Variants in SGCD observed in about 807,000 individuals in gnomAD.
The protein encoded by SGCD is delta-sarcoglycan.
SGCD carries 18 observed loss-of-function variants against 36.6 expected under a neutral mutation model. That is an observed-to-expected ratio of 0.49 (90% CI 0.34 to 0.73). The LOEUF (loss-of-function observed/expected upper bound fraction) is 0.73. SGCD is among the 30% of genes least tolerant of loss of function. SGCD has a pLI of 0.01. For synonymous variants in SGCD, 133 were observed against 130.6 expected (o/e 1.02, Z -0.12); for missense variants, 387 against 346.7 (o/e 1.12, Z -0.92).
Position 156,109,695 on chromosome 5 carries a change from C to G in SGCD, c.-281-8183C>G, listed in dbSNP as rs147862370. On this transcript the variant is annotated intron_variant, in intron 1 of 9. Coordinates refer to the SGCD transcript ENST00000517913. ...TTCCCCTCTTATGCTTTCATCTAAC[C>G]AAACCCCCTTCAGCCTCCATCTCAT... is the stretch of plus-strand genomic sequence containing the variant. 2.5e-3 allele frequency among the ~76,000 whole-genome samples: 383 copies of G among 152,262 alleles called. 2 individuals carry two copies. The highest frequency in any genetic ancestry group is 3.6e-3 in the Non-Finnish European group (246 of 68,018).
At chr5:156,279,274 C>A (rs1210549952) in intron 3 of SGCD, among the ~76,000 whole-genome samples, 1 of 152,114 alleles carries the variant, frequency 6.6e-6, no homozygotes, top group African/African-American at 2.4e-5. Context: ...ATGTTCAAAA[C>A]TATAAAATTT....
chr5:155,799,733 T>C, the SGCD span, among the ~76,000 whole-genome samples: 3 of 151,872 alleles, frequency 2.0e-5, no homozygotes, highest in South Asian at 4.1e-4. Context: ...ATTTCCTTTT[T>C]TTTTTTCTGC....
chr5:156,472,948 A>C (rs770727165), intron 3 of SGCD, among the ~76,000 whole-genome samples: 2 of 152,188 alleles, frequency 1.3e-5, no homozygotes, highest in Admixed American at 6.5e-5. Context: ...ATGAGTGTGT[A>C]TGTTTATCAA....
Position 156,444,136 on chromosome 5 carries a change from CTCCTTCCCTT to C in SGCD, c.193-64462_193-64453del, listed in dbSNP as rs1467631802. Reference sequence around the variant, plus strand: ...TCTCTCCCCTTCCCTCTCTCTCTCTCTCCTTCCCTTTCTCTCTCTCCTTCCCTCTCTCTCT... The same window carrying C: ...TCTCTCCCCTTCCCTCTCTCTCTCTCTCTCTCTCTCCTTCCCTCTCTCTCT... On this transcript the variant is annotated intron_variant, in intron 3 of 8. Transcript: ENST00000337851. 1.4e-4 allele frequency among the ~76,000 whole-genome samples: 18 copies of C among 124,420 alleles called. 1 individual carries two copies. Among genetic ancestry groups the C allele is most frequent in the East Asian group, 7.5e-4 (3 of 3,976 alleles). 81.6% of individuals were successfully genotyped at this position (124,420 alleles called of 152,430 possible).
chr5:156,558,395 G>A (rs1759128529), intron 4 of SGCD, among the ~76,000 whole-genome samples: 1 of 151,896 alleles, frequency 6.6e-6, no homozygotes, highest in Non-Finnish European at 1.5e-5. Flanking sequence ...GGCCATTACT[G>A]GTGATGATCA....
intron 1 of SGCD, among the ~76,000 whole-genome samples, chr5:156,014,065 A>G (rs1581042115): frequency 6.6e-6 from 1 of 151,922 alleles, no homozygotes; most frequent in African/African-American, 2.4e-5. Flanking sequence ...TTGCTAAGGG[A>G]TGAAAATTCT....
chr5:156,111,644 A>T (rs935587122), intron 1 of SGCD, among the ~76,000 whole-genome samples: 90 of 149,498 alleles, frequency 6.0e-4, no homozygotes, highest in African/African-American at 2.1e-3. Flanking sequence ...CCTGATGTGT[A>T]GCTAGTCATG....
At chr5:156,691,787 G>C (rs1029150879) in intron 7 of SGCD, among the ~76,000 whole-genome samples, 1 of 152,166 alleles carries the variant, frequency 6.6e-6, no homozygotes, top group African/African-American at 2.4e-5. Flanking sequence ...CCCAGCAACC[G>C]AATTAGCATG....
At chr5:156,512,772 G>T (rs1341628008) in intron 4 of SGCD, among the ~76,000 whole-genome samples, 2 of 152,104 alleles carry the variant, frequency 1.3e-5, no homozygotes, top group South Asian at 2.1e-4. Context: ...CCATCCTGCT[G>T]CATCCTTCCT....
At chr5:156,576,231 A>G (rs1370139806) in intron 4 of SGCD, among the ~76,000 whole-genome samples, 6 of 152,148 alleles carry the variant, frequency 3.9e-5, no homozygotes, top group Admixed American at 3.3e-4. Flanking sequence ...AGCTGCATCC[A>G]TGTCCCTGCA....
intron 3 of SGCD, among the ~76,000 whole-genome samples, chr5:156,357,176 C>T (rs1769536265): frequency 6.6e-6 from 1 of 152,186 alleles, no homozygotes. Flanking sequence ...CTGTATTGAA[C>T]ATTGTTTGAA....
At chr5:156,521,657 C>T (rs568213735) in intron 4 of SGCD, among the ~76,000 whole-genome samples, 6 of 152,278 alleles carry the variant, frequency 3.9e-5, no homozygotes, top group East Asian at 1.9e-4. Context: ...TACCACCTCA[C>T]GGCAGTCAAA....
intron 1 of SGCD, among the ~76,000 whole-genome samples, chr5:156,100,675 G>A (rs1761498055): frequency 6.6e-6 from 1 of 152,078 alleles, no homozygotes; most frequent in Non-Finnish European, 1.5e-5. Flanking sequence ...ATTAGCAATT[G>A]GTAAATCATT....
In SGCD at chr5:156,111,243, G is replaced by C. The variant is rs1403771287; in HGVS notation, c.-281-6635G>C. Among the ~76,000 whole-genome samples the C allele has an allele frequency of 2.0e-5, 3 of 152,130 alleles. No homozygotes were observed. In the East Asian group the frequency reaches 5.8e-4, roughly 29 times the overall value. On this transcript the variant is annotated intron_variant, in intron 1 of 9. Coordinates refer to the SGCD transcript ENST00000517913. ...TCAAGGCACTAAGACGAGACAGAGA[G>C]TGACACTTCACAGTAAAAGAAATGA...
chr5:156,252,065 T>A (rs1006011283), intron 3 of SGCD, among the ~76,000 whole-genome samples: 1 of 149,406 alleles, frequency 6.7e-6, no homozygotes, highest in African/African-American at 2.6e-5. Context: ...ATATTAGCAT[T>A]TTTTTTTCTT....
intron 1 of SGCD, among the ~76,000 whole-genome samples, chr5:155,985,122 C>T (rs1200266455): frequency 6.6e-6 from 1 of 152,194 alleles, no homozygotes; most frequent in African/African-American, 2.4e-5. Context: ...AATTACCGTA[C>T]ATTTCACAGC....
chr5:156,647,346 T>C (rs76426818), intron 6 of SGCD, 118 bp from the exon 7 acceptor site: 73 of 597,764 alleles, frequency 1.2e-4, no homozygotes, highest in Non-Finnish European at 4.2e-5. Flanking sequence ...TGGAAAAATA[T>C]GTGGGTATGG....
intron 4 of SGCD, among the ~76,000 whole-genome samples, chr5:156,582,827 A>G (rs906703334): frequency 2.6e-4 from 39 of 152,330 alleles, no homozygotes; most frequent in African/African-American, 8.7e-4. Context: ...ACGCGCACAC[A>G]CACACACACA....
intron 3 of SGCD, among the ~76,000 whole-genome samples, chr5:156,156,803 A>G (rs190255471): frequency 6.6e-6 from 1 of 151,426 alleles, no homozygotes; most frequent in East Asian, 1.9e-4. Context: ...TCCGCCCTCA[A>G]ATGTGTCACA....
Sources: gnomAD v4.1 joint callset for allele counts (sites outside exome capture counted in the v4.1 genomes callset) on GRCh38, gnomAD v4.1.1 for gene constraint, MANE v1.5 for transcripts, NCBI Gene and HGNC (gene_info 2026-07-23, HGNC 2026-07-21) for gene names.